The following CPNE7 variants were observed in gnomAD, a reference collection of about 807,000 sequenced individuals.
CPNE7 encodes copine 7.
In CPNE7, 78 loss-of-function variants were observed where a neutral mutation model predicts 66.5. That is an observed-to-expected ratio of 1.17 (90% CI 0.98 to 1.42). The LOEUF (loss-of-function observed/expected upper bound fraction) is 1.42. Among genes scored for constraint, CPNE7 ranks in the 40% most tolerant of loss-of-function variants. CPNE7 has a pLI of 0.00. For synonymous variants in CPNE7, 468 were observed against 336.7 expected, an observed-to-expected ratio of 1.39 and a Z score of -4.27; for missense variants, 1,012 against 776.6, an observed-to-expected ratio of 1.30 and a Z score of -3.60.
Position 89,584,870 on chromosome 16 carries a change from G to A in CPNE7, c.591+13G>A, listed in dbSNP as rs1377734408. On this transcript the variant is annotated intron_variant, in intron 5 of 14. Transcript: ENST00000319518. This position sits in a 1 kb window ranked among gnomAD's most constrained non-coding sequence, Gnocchi z 6.0. ...GTACAGGACGGAGGTGAGCGGCCGGGGATGGGAACACAGGGAGGGGAAGGG... is the reference window on the plus strand; with the variant it reads ...GTACAGGACGGAGGTGAGCGGCCGGAGATGGGAACACAGGGAGGGGAAGGG... 4.3e-6 allele frequency: 7 copies of A among 1,611,000 alleles called. No homozygotes were observed. The highest frequency in any genetic ancestry group is 1.7e-5 in the Admixed American group (1 of 59,984).
chr16:89,594,361 C>T (rs1014306276), intron 13 of CPNE7, among the ~76,000 whole-genome samples: 1 of 151,768 alleles, frequency 6.6e-6, no homozygotes, highest in East Asian at 1.9e-4. Flanking sequence ...GTGTGGGGCT[C>T]AGAGAGGGGG....
rs755535581 is a variant in CPNE7, at chr16:89,595,489, C to T, written c.1425C>T (p.Ala475=). 36 of 1,612,446 alleles carry T rather than the reference C, an allele frequency of 2.2e-5. No homozygotes were observed. Among genetic ancestry groups the T allele is most frequent in the Middle Eastern group, 3.3e-4 (2 of 6,080 alleles). ...MSIIIVGVGN[A]DFTDMQVLDG... ...TCATCATCGTGGGCGTGGGCAACGC[C>T]GACTTCACCGACATGCAGGTCCTGG... is the stretch of plus-strand genomic sequence containing the variant. Residue 475 remains alanine, a synonymous_variant, in exon 14 of 15, where the codon GCC becomes GCT. Coordinates refer to ENST00000319518, the MANE Select transcript of CPNE7 (RefSeq NM_153636.3).
chr16:89,588,651 C>T, intron 9 of CPNE7, 24 bp from the exon 10 acceptor site: 1 of 1,612,548 alleles, frequency 6.2e-7, no homozygotes, highest in Non-Finnish European at 8.5e-7. Context: ...CCCAGCACAG[C>T]TCCTGGCTCC....
At position 89,590,889 on chromosome 16, in the gene CPNE7, G is replaced by A. The variant is rs2059156680; in HGVS notation, c.1117-118G>A. 7 of 990,914 alleles carry A rather than the reference G, an allele frequency of 7.1e-6. No homozygotes were observed. The East Asian group carries it at 9.0e-5, about 13-fold the overall frequency. 61.4% of individuals were successfully genotyped at this position (990,914 alleles called of 1,614,324 possible). A position where few individuals can be genotyped will look rare whatever the true frequency, so the allele number is the denominator to read the frequency against. On this transcript the variant is annotated intron_variant, in intron 11 of 14. Transcript: ENST00000319518. ...GGGGACATGAGGGCGGGGACGGGGG[G>A]AGCAGCTGACTGGGGGACATGGGGG...
At chr16:89,577,777 G>T in intron 2 of CPNE7, 56 bp downstream of exon 2, 2 of 1,519,626 alleles carry the variant, frequency 1.3e-6, no homozygotes, top group South Asian at 2.4e-5. Flanking sequence ...GGCCACAGCC[G>T]ATTCAAGGCT....
intron 8 of CPNE7, 49 bp from the exon 9 acceptor site, chr16:89,586,994 G>A (rs2059052022): frequency 6.5e-7 from 1 of 1,543,304 alleles, no homozygotes; most frequent in Non-Finnish European, 8.8e-7. Flanking sequence ...AGCTGGCACT[G>A]GCCTCAGTGT....
In CPNE7 at chr16:89,584,708, A is replaced by G; in HGVS notation, c.508-66A>G. 1.6e-6 allele frequency: 2 copies of G among 1,246,798 alleles called. No individual in the cohort carries two copies. The highest frequency in any genetic ancestry group is 2.3e-6 in the Non-Finnish European group (2 of 860,944). The allele number at this position is 1,246,798 out of a possible 1,614,324, so 77.2% of individuals were successfully genotyped here. The stretch of plus-strand genomic sequence containing the variant: ...TGAAGTGAGCCCTGGGAAACGACAA[A>G]GCCAGCTCCCATCCAAAGCCCGATC... On this transcript the variant is annotated intron_variant, in intron 4 of 14. Coordinates refer to ENST00000319518, the MANE Select transcript of CPNE7 (RefSeq NM_153636.3). The surrounding 1 kb of genome is among the most constrained non-coding windows in gnomAD (Gnocchi z 6.0).
rs548668654 is a variant in CPNE7, at chr16:89,596,716, C to T, written c.*95C>T. On this transcript the variant is annotated 3_prime_UTR_variant, in exon 15 of 15. Coordinates refer to ENST00000319518, the MANE Select transcript of CPNE7 (RefSeq NM_153636.3). The stretch of plus-strand genomic sequence containing the variant: ...GGGTCCCTTAAGCTCCCTCCGACCT[C>T]CCAGAAGCCTCCAGTCCCCACCAGG... 1 of 1,349,022 alleles carries T rather than the reference C, an allele frequency of 7.4e-7. No homozygotes were observed. The highest frequency in any genetic ancestry group is 9.6e-7 in the Non-Finnish European group (1 of 1,038,010). The allele number at this position is 1,349,022 out of a possible 1,614,324, so 83.6% of individuals were successfully genotyped here.
At chr16:89,587,407 C>A (rs1406098829) in intron 9 of CPNE7, 4 of 322,184 alleles carry the variant, frequency 1.2e-5, no homozygotes, top group African/African-American at 7.8e-5. Flanking sequence ...GGCGGTTCCC[C>A]GTGAGCCGAT....
chr16:89,581,478 G>A (rs1270826493), intron 2 of CPNE7, among the ~76,000 whole-genome samples: 2 of 152,186 alleles, frequency 1.3e-5, no homozygotes, highest in African/African-American at 4.8e-5. Flanking sequence ...TCCCTGCTGT[G>A]GAATTCTTTT....
intron 11 of CPNE7, 53 bp downstream of exon 11, chr16:89,590,004 C>A: frequency 6.3e-7 from 1 of 1,599,986 alleles, no homozygotes; most frequent in African/African-American, 1.3e-5. Context: ...TCGTGCCCTC[C>A]CAGGCAGAGG....
rs2058876619 is a variant in CPNE7, at chr16:89,577,400, G to C, written c.175-139G>C. 2.3e-5 allele frequency: 19 copies of C among 838,754 alleles called. 1 individual carries two copies. The highest frequency in any genetic ancestry group is 3.6e-4 in the Middle Eastern group (1 of 2,782). The allele number at this position is 838,754 out of a possible 1,614,324, so 52.0% of individuals were successfully genotyped here. A position where few individuals can be genotyped will look rare whatever the true frequency, so the allele number is the denominator to read the frequency against. On this transcript the variant is annotated intron_variant, in intron 1 of 14. Coordinates refer to ENST00000319518, the MANE Select transcript of CPNE7 (RefSeq NM_153636.3). ...CCTCGGGATTGTGGTCCCATGGACAGAGAGCAGGCAGGAGGTCTTCCCAGG... is the reference window on the plus strand; with the variant it reads ...CCTCGGGATTGTGGTCCCATGGACACAGAGCAGGCAGGAGGTCTTCCCAGG...
intron 1 of CPNE7, 150 bp from the exon 2 acceptor site, chr16:89,577,389 T>C: frequency 1.3e-6 from 1 of 759,530 alleles, no homozygotes; most frequent in East Asian, 2.7e-5. Context: ...GGGATTGTGG[T>C]CCCATGGACA....
At position 89,596,654 on chromosome 16, in the gene CPNE7, G is replaced by A. The variant is rs1221560958; in HGVS notation, c.*33G>A. ...GAGGGCGTAGGGTGGGGGCAGTGAGGAATGGGTCCGTACAGCCTCTGTCTG... is the reference window on the plus strand; with the variant it reads ...GAGGGCGTAGGGTGGGGGCAGTGAGAAATGGGTCCGTACAGCCTCTGTCTG... On this transcript the variant is annotated 3_prime_UTR_variant, in exon 15 of 15. Coordinates refer to ENST00000319518, the MANE Select transcript of CPNE7 (RefSeq NM_153636.3). The A allele has an allele frequency of 1.9e-6, 3 of 1,563,200 alleles. No individual in the cohort carries two copies. Among genetic ancestry groups the A allele is most frequent in the East Asian group, 2.3e-5 (1 of 43,848 alleles).
At chr16:89,583,890 C>A in intron 3 of CPNE7, 119 bp downstream of exon 3, 1 of 1,441,244 alleles carries the variant, frequency 6.9e-7, no homozygotes, top group African/African-American at 1.4e-5. Context: ...GAGCCGGCAG[C>A]TACACAGCCC....
rs530315873 is a variant in CPNE7 at position 89,592,016 on chromosome 16, T to G, written c.1302+756T>G. The stretch of plus-strand genomic sequence containing the variant: ...GCCCGGCATTCTTTTTTTTGTTGTT[T>G]TTTTTTTTTGAGACGGAGTCTCGCT... On this transcript the variant is annotated intron_variant, in intron 13 of 14. Coordinates refer to ENST00000319518, the MANE Select transcript of CPNE7 (RefSeq NM_153636.3). Among the ~76,000 whole-genome samples, 477 of 142,632 alleles carry G rather than the reference T, an allele frequency of 3.3e-3. 14 individuals are homozygous for G. Among genetic ancestry groups the G allele is most frequent in the African/African-American group, 0.012 (442 of 37,790 alleles). The allele number at this position is 142,632 out of a possible 152,430, so 93.6% of individuals were successfully genotyped here.
At chr16:89,578,846 G>A (rs987045624) in intron 2 of CPNE7, 27 of 1,607,244 alleles carry the variant, frequency 1.7e-5, no homozygotes, top group Non-Finnish European at 2.0e-5. Context: ...TCTGGGTTAC[G>A]GCCTCCACAG....
chr16:89,595,098 A>G (rs379334), intron 13 of CPNE7, among the ~76,000 whole-genome samples: 46,136 of 151,826 alleles, frequency 0.3, 8,669 homozygotes, highest in East Asian at 0.82. Flanking sequence ...AGTAAAATGT[A>G]GACTTCGTAG....
chr16:89,585,404 T>C (rs936693682), intron 5 of CPNE7, 60 bp from the exon 6 acceptor site: 2 of 1,199,230 alleles, frequency 1.7e-6, no homozygotes, highest in Non-Finnish European at 2.4e-6. Flanking sequence ...CAGGTCTCTA[T>C]CCCCCCCAAG....
Sources: gnomAD v4.1 joint callset for allele counts (sites outside exome capture counted in the v4.1 genomes callset) on GRCh38, gnomAD v4.1.1 for gene constraint, Gnocchi (gnomAD v3.1) non-coding constraint, MANE v1.5 for transcripts, NCBI Gene and HGNC (gene_info 2026-07-23, HGNC 2026-07-21) for gene names.